The following MUC4 variants were observed in gnomAD, a reference collection of about 807,000 sequenced individuals.
MUC4 encodes mucin 4, cell surface associated, also known as mucin-4.
A neutral mutation model predicts 257.9 loss-of-function variants in MUC4; 202 were observed. The ratio of observed to expected loss-of-function variants is 0.78; its 90% CI spans 0.70 to 0.88. The LOEUF is 0.88. Among genes scored for constraint, MUC4 ranks in the 40% least tolerant of loss-of-function variants. The pLI is 0.00. For synonymous variants in MUC4, 2,351 were observed against 2,757.1 expected, an observed-to-expected ratio of 0.85 and a Z score of 4.62; for missense variants, 5,976 against 6,513.7, an observed-to-expected ratio of 0.92 and a Z score of 2.84.
intron 1 of MUC4, among the ~76,000 whole-genome samples, chr3:195,811,372 C>T (rs1233822314): frequency 4.6e-5 from 7 of 151,968 alleles, no homozygotes; most frequent in Admixed American, 3.9e-4. Context: ...CGGGGTTTCA[C>T]CATGTCGGCC....
chr3:195,794,936 C>T (rs1163764936), intron 1 of MUC4, among the ~76,000 whole-genome samples: 4 of 152,230 alleles, frequency 2.6e-5, no homozygotes, highest in East Asian at 3.8e-4. Context: ...GACAAAGGCA[C>T]GGGCTGAACC....
At position 195,763,459 on chromosome 3, in the gene MUC4, G is replaced by A. The variant is rs1181685559; in HGVS notation, c.14227C>T (p.Arg4743Cys). The A allele has an allele frequency of 2.8e-6, 4 of 1,451,132 alleles. No individual in the cohort carries two copies. The highest frequency in any genetic ancestry group is 2.6e-5 in the Admixed American group (1 of 37,812). The allele number at this position is 1,451,132 out of a possible 1,614,324, so 89.9% of individuals were successfully genotyped here. The change falls in exon 12 of 25, where the codon CGC becomes TGC. Residue 4743 changes from arginine (R) to cysteine (C), a missense_variant. Physicochemically the swap from Arg to Cys is radical, Grantham distance 180. This residue lies in a region of MUC4 where 996 missense variants were observed against 1,137.3 expected (regional missense o/e 0.88). Coordinates refer to ENST00000463781, the MANE Select transcript of MUC4 (RefSeq NM_018406.7). Reference protein sequence around the residue: ...TNFIAFAAQYRSSSLGPVTVQ... With the variant: ...TNFIAFAAQYCSSSLGPVTVQ... Reference sequence around the variant, plus strand: ...GTGACGGGGCCCAGGCTGCTGGAGCGGTACTGAGCCGCAAAGGCGATGAAG... The same window carrying A: ...GTGACGGGGCCCAGGCTGCTGGAGCAGTACTGAGCCGCAAAGGCGATGAAG...
At chr3:195,805,148 C>T (rs2149076500) in intron 1 of MUC4, among the ~76,000 whole-genome samples, 1 of 152,076 alleles carries the variant, frequency 6.6e-6, no homozygotes, top group East Asian at 1.9e-4. Context: ...GTAACCTCCA[C>T]CTCCCAGGTT....
Position 195,790,926 on chromosome 3 carries a change from G to T in MUC4, c.654C>A (p.Thr218=). ...ESQTSTLTHR[T]TSTPSFSPSV... is the part of the protein sequence containing the mutation. ...TTGGAGAGAAAGAAGGAGTTGAAGT[G>T]GTTCTGTGTGTTAGGGTGCTGGTTT... The change falls in exon 2 of 25, where the codon ACC becomes ACA. Residue 218 remains threonine, a synonymous_variant. Coordinates refer to ENST00000463781, the MANE Select transcript of MUC4 (RefSeq NM_018406.7). The T allele has an allele frequency of 1.2e-6, 2 of 1,613,854 alleles. No individual in the cohort carries two copies.
chr3:195,776,834 G>T (rs368698794), intron 3 of MUC4, among the ~76,000 whole-genome samples: 1 of 6,748 alleles, frequency 1.5e-4, no homozygotes, highest in African/African-American at 3.4e-4. Flanking sequence ...ACCTTCCACA[G>T]TCATACCTTC....
chr3:195,776,158 A>G (rs1443006497), intron 3 of MUC4, among the ~76,000 whole-genome samples: 1 of 49,290 alleles, frequency 2.0e-5, no homozygotes, highest in African/African-American at 7.7e-5. Flanking sequence ...TACCTTCCAC[A>G]CCCATACCTT....
intron 6 of MUC4, 80 bp from the exon 7 acceptor site, chr3:195,769,232 A>C: frequency 1.3e-6 from 2 of 1,554,980 alleles, no homozygotes; most frequent in Non-Finnish European, 1.7e-6. Flanking sequence ...CGCCCGTCCC[A>C]CAGCCCTGCT....
rs377563250 is a variant in MUC4, at chr3:195,791,298, C to T, written c.282G>A (p.Thr94=). The part of the protein sequence containing the change: ...TTSKAQTDTL[T]QMMTSTLFSS... The stretch of plus-strand genomic sequence containing the variant: ...AAAAAAGAGTTGATGTCATCATCTG[C>T]GTGAGGGTGTCGGTTTGAGCTTTGC... Residue 94 remains threonine, a synonymous_variant, in exon 2 of 25, where the codon ACG becomes ACA. Coordinates refer to ENST00000463781, the MANE Select transcript of MUC4 (RefSeq NM_018406.7). The T allele has an allele frequency of 1.7e-5, 28 of 1,612,706 alleles. No homozygotes were observed. The highest frequency in any genetic ancestry group is 2.3e-5 in the Non-Finnish European group (27 of 1,179,628).
At chr3:195,796,975 G>T (rs914995433) in intron 1 of MUC4, among the ~76,000 whole-genome samples, 5 of 152,216 alleles carry the variant, frequency 3.3e-5, no homozygotes, top group African/African-American at 1.2e-4. Flanking sequence ...GGGCGCGGCG[G>T]CTCACGCCTG....
In MUC4 at chr3:195,752,286, A is replaced by C. The variant is rs2148758007; in HGVS notation, c.15582+87T>G. On this transcript the variant is annotated intron_variant, in intron 21 of 24. Transcript: ENST00000463781. The stretch of plus-strand genomic sequence containing the variant: ...GGCAGTTGAATCCAGATGGATGACA[A>C]GATGAAGGCCGCACAGCGATGGTTC... 4.8e-6 allele frequency: 6 copies of C among 1,238,594 alleles called. No individual in the cohort carries two copies. In the South Asian group the frequency reaches 7.2e-5, roughly 15 times the overall value. The allele number at this position is 1,238,594 out of a possible 1,614,324, so 76.7% of individuals were successfully genotyped here. A position where few individuals can be genotyped will look rare whatever the true frequency, so the allele number is the denominator to read the frequency against.
In MUC4 at chr3:195,789,853, T is replaced by C. The variant is rs1222826538; in HGVS notation, c.1727A>G (p.Glu576Gly). Residue 576 changes from glutamate (E) to glycine (G), a missense_variant, in exon 2 of 25, where the codon GAG becomes GGG. By Grantham distance (98) the Glu-to-Gly change is moderately conservative. This residue lies in a region of MUC4 where 1,583 missense variants were observed against 1,257.4 expected (regional missense o/e 1.26). Coordinates refer to ENST00000463781, the MANE Select transcript of MUC4 (RefSeq NM_018406.7). ...QWTQETGTTGEALLSSPSYSV... is the reference protein window; with the variant it reads ...QWTQETGTTGGALLSSPSYSV... ...GTAGCTTGGGCTGCTGAGAAGAGCCTCTCCAGTGGTCCCCGTTTCTTGTGT... is the reference window on the plus strand; with the variant it reads ...GTAGCTTGGGCTGCTGAGAAGAGCCCCTCCAGTGGTCCCCGTTTCTTGTGT... The C allele has an allele frequency of 2.5e-6, 4 of 1,609,068 alleles. No homozygotes were observed. In the African/African-American group the frequency reaches 4.0e-5, roughly 16 times the overall value.
At chr3:195,798,564 C>T (rs375259800) in intron 1 of MUC4, among the ~76,000 whole-genome samples, 30 of 151,968 alleles carry the variant, frequency 2.0e-4, no homozygotes, top group African/African-American at 5.3e-4. Flanking sequence ...ATTAGCCGGG[C>T]GTGGTGGCGG....
rs1232063188 is a variant in MUC4 at position 195,810,945 on chromosome 3, T to C, written c.82+791A>G. On this transcript the variant is annotated intron_variant, in intron 1 of 24. Coordinates refer to ENST00000463781, the MANE Select transcript of MUC4 (RefSeq NM_018406.7). This position sits in a 1 kb window ranked among gnomAD's most constrained non-coding sequence, Gnocchi z 4.2. Reference sequence around the variant, plus strand: ...GTTCCTCTTGCTCTGGCTCTGCCTGTCTTTCTCTCTGCGAGTAAGCCTGGG... The same window carrying C: ...GTTCCTCTTGCTCTGGCTCTGCCTGCCTTTCTCTCTGCGAGTAAGCCTGGG... Among the ~76,000 whole-genome samples, 1 of 152,030 alleles carries C rather than the reference T, an allele frequency of 6.6e-6. No individual in the cohort carries two copies. Among genetic ancestry groups the C allele is most frequent in the Non-Finnish European group, 1.5e-5 (1 of 68,020 alleles).
In MUC4 at chr3:195,789,894, G is replaced by A. The variant is rs79298322; in HGVS notation, c.1686C>T (p.Gly562=). The A allele has an allele frequency of 2.6e-5, 42 of 1,613,964 alleles. No homozygotes were observed. Among genetic ancestry groups the A allele is most frequent in the South Asian group, 2.4e-4 (22 of 91,084 alleles). ...STTLPKTTGA[G]AQTQWTQETG... ...TTTCTTGTGTCCATTGTGTCTGGGC[G>A]CCTGCCCCTGTTGTTTTTGGGAGAG... The change falls in exon 2 of 25, where the codon GGC becomes GGT. Residue 562 remains glycine (G), a synonymous_variant. Transcript: ENST00000463781.
In MUC4 at chr3:195,781,210, AGAGGGGTGGTGT is replaced by A. The variant is rs1727686089; in HGVS notation, c.10358_10369del (p.His3453_Pro3456del). 3.5e-6 allele frequency: 5 copies of A among 1,417,356 alleles called. 1 individual carries two copies. In the African/African-American group the frequency reaches 6.0e-5, roughly 17 times the overall value. The allele number at this position is 1,417,356 out of a possible 1,614,324, so 87.8% of individuals were successfully genotyped here. A position where few individuals can be genotyped will look rare whatever the true frequency, so the allele number is the denominator to read the frequency against. Reference sequence around the variant, plus strand: ...TGCTGAGGAAGTGTCGGTGACAGGAAGAGGGGTGGTGTGACCTGTAGATGCTGAGGAAGTGCT... The same window carrying A: ...TGCTGAGGAAGTGTCGGTGACAGGAAGACCTGTAGATGCTGAGGAAGTGCT... On this transcript the variant is annotated inframe_deletion, in exon 2 of 25. Transcript: ENST00000463781.
At chr3:195,759,977 G>A (rs1360749091) in intron 16 of MUC4, among the ~76,000 whole-genome samples, 1 of 149,998 alleles carries the variant, frequency 6.7e-6, no homozygotes, top group Non-Finnish European at 1.5e-5. Context: ...CATTGCATTT[G>A]TCCAGAAATA....
At chr3:195,764,893 C>T in intron 10 of MUC4, 104 bp downstream of exon 10, 1 of 1,489,616 alleles carries the variant, frequency 6.7e-7, no homozygotes, top group Middle Eastern at 1.8e-4. Flanking sequence ...GAAGTGGAGG[C>T]CCAGAGAGGG....
In MUC4 at chr3:195,771,682, G is replaced by A. The variant is rs373773138; in HGVS notation, c.13212C>T (p.Phe4404=). 27 of 1,613,816 alleles carry A rather than the reference G, an allele frequency of 1.7e-5. No individual in the cohort carries two copies. The highest frequency in any genetic ancestry group is 3.3e-4 in the Middle Eastern group (2 of 6,078). ...AAAATGTGGTCCCCCGACCAGTGGA[G>A]AAGTCAGCATCGTCCCAGAACGGAG... The part of the protein sequence containing the change: ...LVAPFWDDAD[F]STGRGTTFYQ... Residue 4404 remains phenylalanine, a synonymous_variant, in exon 5 of 25, where the codon TTC becomes TTT. Coordinates refer to ENST00000463781, the MANE Select transcript of MUC4 (RefSeq NM_018406.7).
At chr3:195,752,617 AAGAAACCGGGAGAAGTG>A (rs1716687346) in intron 20 of MUC4, 171 bp from the exon 21 acceptor site, 5 of 631,266 alleles carry the variant, frequency 7.9e-6, no homozygotes, top group Non-Finnish European at 1.4e-5. Context: ...AAGGTCGCTG[AAGAAACCGGGAGAAGTG>A]GCCCTCACCC....
Sources: allele counts gnomAD v4.1 joint callset (sites outside exome capture counted in the v4.1 genomes callset), GRCh38; gene constraint gnomAD v4.1.1; regional missense constraint gnomAD v4.1.1; non-coding constraint Gnocchi (gnomAD v3.1); transcripts MANE v1.5; gene names NCBI Gene and HGNC (gene_info 2026-07-23, HGNC 2026-07-21).